Variants in OIT3 observed in about 807,000 individuals in gnomAD.
OIT3 encodes oncoprotein-induced transcript 3 protein.
Under a neutral mutation model 52.2 loss-of-function variants are expected in OIT3, and 41 were observed. The ratio of observed to expected loss-of-function variants is 0.79; its 90% CI spans 0.61 to 1.02. The LOEUF is 1.02. Ranked by LOEUF, OIT3 falls within the 50% of genes least tolerant of loss-of-function variation. OIT3 has a pLI of 0.00. For synonymous variants in OIT3, 244 were observed against 276.9 expected, an observed-to-expected ratio of 0.88 and a Z score of 1.18; for missense variants, 634 against 715.5, an observed-to-expected ratio of 0.89 and a Z score of 1.30.
In OIT3 at chr10:72,900,371, C is replaced by T; in HGVS notation, c.437-6C>T. 1 of 1,514,340 alleles carries T rather than the reference C, an allele frequency of 6.6e-7. No individual in the cohort carries two copies. The highest frequency in any genetic ancestry group is 9.1e-7 in the Non-Finnish European group (1 of 1,094,232). The allele number at this position is 1,514,340 out of a possible 1,614,324, so 93.8% of individuals were successfully genotyped here. On this transcript the variant is annotated splice_region_variant and splice_polypyrimidine_tract_variant and intron_variant, in intron 2 of 8. Coordinates refer to ENST00000334011, the MANE Select transcript of OIT3 (RefSeq NM_152635.3). ...CCTCATGAAGATAATCTTTATTCTT[C>T]CATAGATTTTTATGACATCTGCGAC...
intron 1 of OIT3, among the ~76,000 whole-genome samples, chr10:72,896,482 G>T (rs924875155): frequency 1.3e-5 from 2 of 152,184 alleles, no homozygotes; most frequent in East Asian, 3.8e-4. Flanking sequence ...TAAAGAAAGA[G>T]GGTTGTTTCT....
At chr10:72,913,169 C>A in intron 5 of OIT3, 139 bp from the exon 6 acceptor site, 1 of 604,238 alleles carries the variant, frequency 1.7e-6, no homozygotes, top group Non-Finnish European at 2.9e-6. Context: ...TTTTATTCAC[C>A]AACTTGTTTT....
At chr10:72,903,493 G>T (rs1845951284) in intron 3 of OIT3, among the ~76,000 whole-genome samples, 1 of 152,218 alleles carries the variant, frequency 6.6e-6, no homozygotes, top group African/African-American at 2.4e-5. Context: ...CTCCCAAAGT[G>T]CTGGGATTAC....
intron 7 of OIT3, among the ~76,000 whole-genome samples, chr10:72,927,302 A>G (rs1312199036): frequency 1.3e-5 from 2 of 151,520 alleles, no homozygotes; most frequent in Non-Finnish European, 2.9e-5. Flanking sequence ...ACCACACCCA[A>G]CTGATTTTTG....
intron 3 of OIT3, among the ~76,000 whole-genome samples, chr10:72,902,403 C>G (rs1845942213): frequency 6.6e-6 from 1 of 152,170 alleles, no homozygotes; most frequent in Non-Finnish European, 1.5e-5. Flanking sequence ...CTGTCCAGCT[C>G]TCAGTCACCC....
chr10:72,927,288 T>C (rs1242244526), intron 7 of OIT3, among the ~76,000 whole-genome samples: 2 of 152,080 alleles, frequency 1.3e-5, no homozygotes, highest in Non-Finnish European at 2.9e-5. Flanking sequence ...CACAGGCATA[T>C]ACCACCACAC....
chr10:72,895,906 A>C (rs1845871636), intron 1 of OIT3, among the ~76,000 whole-genome samples: 2 of 152,220 alleles, frequency 1.3e-5, no homozygotes, highest in African/African-American at 4.8e-5. Flanking sequence ...TCTGGGCTTC[A>C]CGCTGAGATT....
rs1846047036 is a variant in OIT3 at position 72,913,382 on chromosome 10, C to G, written c.865C>G (p.Leu289Val). The change falls in exon 6 of 9, where the codon CTG becomes GTG. Residue 289 changes from leucine (L) to valine (V), a missense_variant. Coordinates refer to ENST00000334011, the MANE Select transcript of OIT3 (RefSeq NM_152635.3). ...GCTGGTTGGTGGCCTGGAGCTCTTC[C>G]TGACCAACACCTCCTGCCGAGGAGT... Reference protein sequence around the residue: ...RELVGGLELFLTNTSCRGVSN... With the variant: ...RELVGGLELFVTNTSCRGVSN... 1 of 1,613,706 alleles carries G rather than the reference C, an allele frequency of 6.2e-7. No individual in the cohort carries two copies. The highest frequency in any genetic ancestry group is 1.3e-5 in the African/African-American group (1 of 74,922).
chr10:72,923,936 G>A (rs950846832), intron 6 of OIT3, among the ~76,000 whole-genome samples: 5 of 152,136 alleles, frequency 3.3e-5, no homozygotes, highest in Admixed American at 1.3e-4. Flanking sequence ...GGGCAGAGCC[G>A]GTTGGAGGCC....
chr10:72,927,430 A>G (rs1370488378), intron 7 of OIT3, among the ~76,000 whole-genome samples: 1 of 152,084 alleles, frequency 6.6e-6, no homozygotes, highest in Non-Finnish European at 1.5e-5. Context: ...GTGAGCCACC[A>G]CGCCCAACCA....
chr10:72,900,484 G>A lies in OIT3; in HGVS notation c.544G>A (p.Asp182Asn). The change falls in exon 3 of 9, where the codon GAT becomes AAT. Residue 182 changes from aspartate to asparagine, a missense_variant and splice_region_variant. By Grantham distance (23) the Asp-to-Asn change is conservative. Transcript: ENST00000334011. ...VLGPDRQTCF[D>N]ENECEQNNGG... ...AGGCCCTGACAGGCAGACATGCTTT[G>A]GTAAGAAACTCATCAAAGGTAGAAT... The A allele has an allele frequency of 6.4e-7, 1 of 1,555,156 alleles. No homozygotes were observed. Among genetic ancestry groups the A allele is most frequent in the South Asian group, 1.1e-5 (1 of 89,362 alleles).
intron 6 of OIT3, chr10:72,913,693 C>T: frequency 1.6e-6 from 1 of 643,366 alleles, no homozygotes; most frequent in South Asian, 1.5e-5. Flanking sequence ...CAAATAGTCC[C>T]ATCTCTCCAG....
intron 6 of OIT3, among the ~76,000 whole-genome samples, chr10:72,916,811 C>T (rs533899463): frequency 6.6e-6 from 1 of 152,278 alleles, no homozygotes; most frequent in Admixed American, 6.5e-5. Flanking sequence ...TAAAAACATT[C>T]CTTTTTCTCC....
intron 7 of OIT3, among the ~76,000 whole-genome samples, chr10:72,930,057 C>G (rs1313480391): frequency 6.6e-6 from 1 of 152,204 alleles, no homozygotes; most frequent in Non-Finnish European, 1.5e-5. Flanking sequence ...CACTTTGATG[C>G]ATGCACTGCA....
intron 7 of OIT3, 69 bp from the exon 8 acceptor site, chr10:72,930,469 T>C (rs1846205863): frequency 1.7e-6 from 2 of 1,183,082 alleles, no homozygotes; most frequent in South Asian, 2.5e-5. Context: ...GGCCAAAATG[T>C]TGGGTTAGAT....
At position 72,932,489 on chromosome 10, in the gene OIT3, A is replaced by G; in HGVS notation, c.1603A>G (p.Thr535Ala). 5 of 1,612,788 alleles carry G rather than the reference A, an allele frequency of 3.1e-6. No homozygotes were observed. The highest frequency in any genetic ancestry group is 1.7e-4 in the Middle Eastern group (1 of 6,042). ...DSAGLQGQTL[T>A]GGPIRIDWED Reference sequence around the variant, plus strand: ...AGCCGGTCTACAGGGCCAGACGCTAACAGGCGGCCCGATCCGCATCGACTG... The same window carrying G: ...AGCCGGTCTACAGGGCCAGACGCTAGCAGGCGGCCCGATCCGCATCGACTG... Residue 535 changes from threonine to alanine, a missense_variant, in exon 9 of 9, where the codon ACA (threonine) becomes GCA (alanine). Physicochemically the swap from Thr to Ala is moderately conservative, Grantham distance 58 (BLOSUM62 0). Transcript: ENST00000334011.
At chr10:72,911,139 C>T (rs1167582236) in intron 4 of OIT3, among the ~76,000 whole-genome samples, 1 of 152,108 alleles carries the variant, frequency 6.6e-6, no homozygotes, top group African/African-American at 2.4e-5. Context: ...GTGAAAGGAC[C>T]ATCACCAAGG....
Position 72,930,600 on chromosome 10 carries a change from A to G in OIT3, c.1430A>G (p.Gln477Arg). 21 of 1,613,276 alleles carry G rather than the reference A, an allele frequency of 1.3e-5. No individual in the cohort carries two copies. Among genetic ancestry groups the G allele is most frequent in the Non-Finnish European group, 1.7e-5 (20 of 1,179,644 alleles). Residue 477 changes from glutamine to arginine, a missense_variant, in exon 8 of 9, where the codon CAG becomes CGG. Coordinates refer to ENST00000334011, the MANE Select transcript of OIT3 (RefSeq NM_152635.3). ...TSRDHLAKHF[Q>R]VPVFKFVGKD... is the part of the protein sequence containing the mutation. ...CGGGATCACCTAGCAAAGCACTTCCAGGTCCCTGTCTTCAAGTTTGTGGGC... is the reference window on the plus strand; with the variant it reads ...CGGGATCACCTAGCAAAGCACTTCCGGGTCCCTGTCTTCAAGTTTGTGGGC...
chr10:72,922,592 C>T (rs1846131018), intron 6 of OIT3, among the ~76,000 whole-genome samples: 1 of 152,118 alleles, frequency 6.6e-6, no homozygotes, highest in African/African-American at 2.4e-5. Flanking sequence ...AATATTTCAT[C>T]ATGATTTTTA....
Sources: gnomAD v4.1 joint callset for allele counts (sites outside exome capture counted in the v4.1 genomes callset) on GRCh38, gnomAD v4.1.1 for gene constraint, MANE v1.5 for transcripts, NCBI Gene and HGNC (gene_info 2026-07-23, HGNC 2026-07-21) for gene names.